The following NCAPD3 variants were observed in gnomAD, a reference collection of about 807,000 sequenced individuals.
NCAPD3 encodes the protein condensin-2 complex subunit D3.
A neutral mutation model predicts 182.9 loss-of-function variants in NCAPD3; 105 were observed. The ratio of observed to expected loss-of-function variants is 0.57; its 90% CI spans 0.49 to 0.68. The LOEUF (loss-of-function observed/expected upper bound fraction) is 0.68. Among genes scored for constraint, NCAPD3 ranks in the 30% least tolerant of loss-of-function variants. The pLI is 0.00. For missense variants in NCAPD3, 1,944 were observed against 1,837.0 expected (o/e 1.06, Z -1.07); for synonymous variants, 815 against 679.9 (o/e 1.20, Z -3.09).
chr11:134,194,111 T>C lies in NCAPD3; in HGVS notation c.1729A>G (p.Met577Val), dbSNP rs761887540. 5.6e-6 allele frequency: 9 copies of C among 1,614,088 alleles called. No individual in the cohort carries two copies. Among genetic ancestry groups the C allele is most frequent in the East Asian group, 2.2e-5 (1 of 44,896 alleles). ...SILKHCDVSGMKEDLWILQDQ... is the reference protein window; with the variant it reads ...SILKHCDVSGVKEDLWILQDQ... ...TGCAGAATCCACAGGTCTTCCTTCA[T>C]GCCTGAGACATCACAGTGTTTCAAA... Residue 577 changes from methionine (M) to valine (V), a missense_variant, in exon 15 of 35, where the codon ATG becomes GTG. By Grantham distance (21) the Met-to-Val change is conservative. Coordinates refer to ENST00000534548, the MANE Select transcript of NCAPD3 (RefSeq NM_015261.3).
intron 32 of NCAPD3, chr11:134,153,860 A>C (rs1591816341): frequency 9.6e-5 from 16 of 166,678 alleles, no homozygotes; most frequent in East Asian, 5.0e-4. Flanking sequence ...TGTCCCTTCT[A>C]CCTCCAGTCG....
chr11:134,214,245 A>G (rs565606599), intron 3 of NCAPD3, among the ~76,000 whole-genome samples: 1 of 152,328 alleles, frequency 6.6e-6, no homozygotes, highest in African/African-American at 2.4e-5. Context: ...CCACCAATTA[A>G]AACTCAATTA....
rs150700282 is a variant in NCAPD3 at position 134,164,767 on chromosome 11, TGGG to T, written c.3574-2879_3574-2877del. ...TTCACACTCACTTGTGACATGAGCTTGGGGGAGCTGCACACTCGTGAAATGAAC... is the reference window on the plus strand; with the variant it reads ...TTCACACTCACTTGTGACATGAGCTTGGAGCTGCACACTCGTGAAATGAAC... On this transcript the variant is annotated intron_variant, in intron 27 of 34. Coordinates refer to ENST00000534548, the MANE Select transcript of NCAPD3 (RefSeq NM_015261.3). 1.5e-3 allele frequency among the ~76,000 whole-genome samples: 232 copies of T among 150,876 alleles called. 1 individual carries two copies. Among genetic ancestry groups the T allele is most frequent in the Non-Finnish European group, 2.8e-3 (190 of 67,796 alleles).
At chr11:134,220,084 A>G (rs761180881) in intron 2 of NCAPD3, among the ~76,000 whole-genome samples, 1 of 152,040 alleles carries the variant, frequency 6.6e-6, no homozygotes, top group Admixed American at 6.5e-5. Context: ...ATGAGCCACC[A>G]TGCCTGGTCG....
chr11:134,219,112 T>C (rs1044636785), intron 2 of NCAPD3, among the ~76,000 whole-genome samples: 1 of 152,182 alleles, frequency 6.6e-6, no homozygotes, highest in Non-Finnish European at 1.5e-5. Context: ...TCCACCACAC[T>C]TTTTCTGTAT....
At position 134,223,879 on chromosome 11, in the gene NCAPD3, C is replaced by G. The variant is rs1370417976; in HGVS notation, c.48G>C (p.Pro16=). ...GLGSGLQPWC[P]LDLRLEWVDT... ...TCTGCTCACCGAGTCTAAGATCCAG[C>G]GGACACCAGGGCTGCAGGCCGCTAC... is the stretch of plus-strand genomic sequence containing the variant. The change falls in exon 1 of 35, where the codon CCG becomes CCC. Residue 16 remains proline (P), a synonymous_variant. Coordinates refer to ENST00000534548, the MANE Select transcript of NCAPD3 (RefSeq NM_015261.3). 1 of 1,612,758 alleles carries G rather than the reference C, an allele frequency of 6.2e-7. No homozygotes were observed. Among genetic ancestry groups the G allele is most frequent in the Non-Finnish European group, 8.5e-7 (1 of 1,179,836 alleles).
At chr11:134,166,847 G>A (rs1222878186) in intron 27 of NCAPD3, among the ~76,000 whole-genome samples, 4 of 116,288 alleles carry the variant, frequency 3.4e-5, no homozygotes, top group Admixed American at 8.6e-5. Flanking sequence ...TGGGGGAGGC[G>A]CACACTCATG....
chr11:134,188,753 A>G (rs759681252), intron 16 of NCAPD3, among the ~76,000 whole-genome samples: 3 of 152,148 alleles, frequency 2.0e-5, no homozygotes, highest in Non-Finnish European at 4.4e-5. Flanking sequence ...CATCTTTAAG[A>G]GCTGTAACAT....
At chr11:134,182,283 G>A (rs1944314391) in intron 19 of NCAPD3, among the ~76,000 whole-genome samples, 1 of 152,212 alleles carries the variant, frequency 6.6e-6, no homozygotes, top group South Asian at 2.1e-4. Context: ...AATAACAGGG[G>A]ACATGCTCTG....
chr11:134,160,848 G>A (rs139066973), intron 28 of NCAPD3, among the ~76,000 whole-genome samples: 13 of 152,142 alleles, frequency 8.5e-5, no homozygotes, highest in Non-Finnish European at 1.6e-4. Context: ...CTGACAACAA[G>A]CAACGTGTGG....
Position 134,217,105 on chromosome 11 carries a change from G to A in NCAPD3, c.220-7C>T. The A allele has an allele frequency of 1.3e-6, 2 of 1,569,312 alleles. No individual in the cohort carries two copies. Among genetic ancestry groups the A allele is most frequent in the South Asian group, 2.4e-5 (2 of 83,708 alleles). ...TGAAGAAGGTCCAGATACTCTGTGG[G>A]GAGACCGCAAATCACAAAAGCCAGT... On this transcript the variant is annotated splice_polypyrimidine_tract_variant and splice_region_variant and intron_variant, in intron 2 of 34. Transcript: ENST00000534548.
At position 134,164,930 on chromosome 11, in the gene NCAPD3, TAGG is replaced by T. The variant is rs972326756; in HGVS notation, c.3574-3042_3574-3040del. ...TGCACACTCACTTGTGAGATGAGCT[TAGG>T]GGGAGGGGCACACTCACTTGTGACA... On this transcript the variant is annotated intron_variant, in intron 27 of 34. Transcript: ENST00000534548. Among the ~76,000 whole-genome samples the T allele has an allele frequency of 2.0e-4, 29 of 146,832 alleles. 1 individual carries two copies. The highest frequency in any genetic ancestry group is 1.4e-3 in the East Asian group (7 of 4,860).
chr11:134,215,391 T>C (rs1937977859), intron 3 of NCAPD3, among the ~76,000 whole-genome samples: 1 of 152,180 alleles, frequency 6.6e-6, no homozygotes, highest in Non-Finnish European at 1.5e-5. Flanking sequence ...CCTGTGTCTA[T>C]TCACAGATGA....
intron 16 of NCAPD3, among the ~76,000 whole-genome samples, chr11:134,191,349 A>C (rs752356578): frequency 6.6e-6 from 1 of 152,176 alleles, no homozygotes; most frequent in Non-Finnish European, 1.5e-5. Context: ...GTTCTGGGCC[A>C]CTTTTTTTCA....
At chr11:134,223,496 G>A (rs553014532) in intron 1 of NCAPD3, 2 of 702,308 alleles carry the variant, frequency 2.8e-6, no homozygotes, top group South Asian at 3.0e-5. Context: ...TGAACATGAA[G>A]TTCAAGAAAT....
Position 134,157,971 on chromosome 11 carries a change from A to C in NCAPD3, c.4131T>G (p.Pro1377=). 6.2e-7 allele frequency: 1 copy of C among 1,614,166 alleles called. No homozygotes were observed. The highest frequency in any genetic ancestry group is 8.5e-7 in the Non-Finnish European group (1 of 1,180,012). Residue 1377 remains proline (P), a synonymous_variant, in exon 31 of 35, where the codon CCT becomes CCG. Coordinates refer to ENST00000534548, the MANE Select transcript of NCAPD3 (RefSeq NM_015261.3). The part of the protein sequence containing the change: ...RHRSRSLGVL[P]FTLNSGSPEK... ...CTGGGCTTCCAGAATTTAAAGTGAA[A>C]GGCAGCACTCCTAAGCTCCGACTCC...
intron 27 of NCAPD3, among the ~76,000 whole-genome samples, chr11:134,164,649 C>G (rs1275787852): frequency 6.7e-6 from 1 of 149,728 alleles, no homozygotes; most frequent in Non-Finnish European, 1.5e-5. Context: ...GCCGCATAAT[C>G]ACTTGTGACA....
At chr11:134,161,160 T>G (rs1049620026) in intron 28 of NCAPD3, among the ~76,000 whole-genome samples, 3 of 152,144 alleles carry the variant, frequency 2.0e-5, no homozygotes, top group African/African-American at 7.2e-5. Context: ...ACACATAATG[T>G]GAACAGAGCT....
upstream of NCAPD3, chr11:134,225,007 C>G: frequency 1.0e-6 from 1 of 984,234 alleles, no homozygotes; most frequent in South Asian, 2.7e-5. Context: ...CCAGGCAGCC[C>G]CGCGGCGGCC....
Sources: gnomAD v4.1 joint callset for allele counts (sites outside exome capture counted in the v4.1 genomes callset) on GRCh38, gnomAD v4.1.1 for gene constraint, MANE v1.5 for transcripts, NCBI Gene and HGNC (gene_info 2026-07-23, HGNC 2026-07-21) for gene names.